The following SPA17 variants were observed in gnomAD, a reference collection of about 807,000 sequenced individuals.
SPA17 encodes sperm surface protein Sp17.
Under a neutral mutation model 13.8 loss-of-function variants are expected in SPA17, and 7 were observed. That is an observed-to-expected ratio of 0.51 (90% CI 0.29 to 0.95). SPA17 has a LOEUF of 0.95. Ranked by LOEUF, SPA17 falls within the 40% of genes least tolerant of loss-of-function variation. The probability of loss-of-function intolerance (pLI) is 0.08; values close to 1 mark genes in which losing one functional copy is unlikely to be tolerated. For synonymous variants in SPA17, 61 were observed against 59.0 expected (o/e 1.03, Z -0.16); for missense variants, 170 against 179.3 (o/e 0.95, Z 0.30).
rs1221747453 is a variant in SPA17 at position 124,694,748 on chromosome 11, T to C, written c.*302T>C. ...CAGAGATCTCAGAGGTTATGTGTTC[T>C]AACTATTATCAAATGAATAAATCCT... On this transcript the variant is annotated 3_prime_UTR_variant, in exon 5 of 5. Transcript: ENST00000227135. 4.8e-6 allele frequency: 1 copy of C among 207,332 alleles called. No homozygotes were observed. The highest frequency in any genetic ancestry group is 9.5e-6 in the Non-Finnish European group (1 of 104,930). The allele number at this position is 207,332 out of a possible 1,614,324, so 12.8% of individuals were successfully genotyped here. A position where few individuals can be genotyped will look rare whatever the true frequency, so the allele number is the denominator to read the frequency against.
intron 3 of SPA17, among the ~76,000 whole-genome samples, chr11:124,687,285 A>G (rs1043810804): frequency 1.3e-5 from 2 of 152,064 alleles, no homozygotes; most frequent in African/African-American, 4.8e-5. Flanking sequence ...GATTGATTCC[A>G]TAATAAAAAT....
At chr11:124,677,270 C>T (rs1354329699) in intron 2 of SPA17, among the ~76,000 whole-genome samples, 1 of 152,126 alleles carries the variant, frequency 6.6e-6, no homozygotes, top group African/African-American at 2.4e-5. Flanking sequence ...TCATTATGGA[C>T]CTCTGGCTCA....
At chr11:124,674,517 T>A (rs1943432287) in intron 1 of SPA17, 2 of 152,286 alleles carry the variant, frequency 1.3e-5, no homozygotes, top group South Asian at 4.1e-4. Flanking sequence ...CTTTTCATAC[T>A]CAGTAGTAGC....
At chr11:124,681,510 A>AG in intron 3 of SPA17, 51 bp downstream of exon 3, 1 of 1,399,408 alleles carries the variant, frequency 7.1e-7, no homozygotes, top group Non-Finnish European at 9.5e-7. Context: ...CTCTGTCTAC[A>AG]GCTAGCAATT....
chr11:124,692,897 G>A (rs1430862327), intron 4 of SPA17, among the ~76,000 whole-genome samples: 1 of 152,172 alleles, frequency 6.6e-6, no homozygotes, highest in Non-Finnish European at 1.5e-5. Flanking sequence ...AGAACTGGCA[G>A]CCAGAATGGA....
At chr11:124,677,627 G>C (rs369073587) in intron 2 of SPA17, among the ~76,000 whole-genome samples, 1 of 152,250 alleles carries the variant, frequency 6.6e-6, no homozygotes, top group East Asian at 1.9e-4. Flanking sequence ...GAAGCAATTA[G>C]AGAAAAGATT....
intron 3 of SPA17, among the ~76,000 whole-genome samples, chr11:124,689,659 C>T (rs1185180526): frequency 6.6e-6 from 1 of 151,772 alleles, no homozygotes; most frequent in Non-Finnish European, 1.5e-5. Context: ...CACCTGTAGT[C>T]CCCAGCTACT....
chr11:124,678,885 G>A (rs944023974), intron 2 of SPA17, among the ~76,000 whole-genome samples: 3 of 152,084 alleles, frequency 2.0e-5, no homozygotes, highest in African/African-American at 7.2e-5. Context: ...ATTTTTAAAT[G>A]GAAAAGTAAA....
Position 124,675,236 on chromosome 11 carries a change from A to G in SPA17, c.-27-2A>G. 1.3e-6 allele frequency: 2 copies of G among 1,599,608 alleles called. No homozygotes were observed. The highest frequency in any genetic ancestry group is 1.1e-5 in the South Asian group (1 of 88,062). On this transcript the variant is annotated splice_acceptor_variant, in intron 1 of 4. Coordinates refer to ENST00000227135, the MANE Select transcript of SPA17 (RefSeq NM_017425.4). LOFTEE classifies it low-confidence loss of function (5UTR_SPLICE). ...AGACAGTACTCTTTAATGAATCTTT[A>G]GGTTCCATAGGCAGTTCTTACCAAG...
At position 124,694,822 on chromosome 11, in the gene SPA17, G is replaced by A; in HGVS notation, c.*376G>A. On this transcript the variant is annotated 3_prime_UTR_variant, in exon 5 of 5. Transcript: ENST00000227135. Reference sequence around the variant, plus strand: ...TTCTTTAGCTCCTGTTTCACTCCTAGTGGTAAAGAATTTCACTGCTTTTTA... The same window carrying A: ...TTCTTTAGCTCCTGTTTCACTCCTAATGGTAAAGAATTTCACTGCTTTTTA... 6.4e-6 allele frequency: 1 copy of A among 155,362 alleles called. No homozygotes were observed. The highest frequency in any genetic ancestry group is 1.4e-5 in the Non-Finnish European group (1 of 70,148). 9.6% of individuals were successfully genotyped at this position (155,362 alleles called of 1,614,324 possible). A position where few individuals can be genotyped will look rare whatever the true frequency, so the allele number is the denominator to read the frequency against.
chr11:124,692,191 A>C (rs1943628591), intron 4 of SPA17, among the ~76,000 whole-genome samples: 1 of 152,196 alleles, frequency 6.6e-6, no homozygotes, highest in South Asian at 2.1e-4. Flanking sequence ...CATACAGCCA[A>C]AATAATGGCT....
chr11:124,678,240 ATCTC>A (rs751415891), intron 2 of SPA17, among the ~76,000 whole-genome samples: 1 of 151,978 alleles, frequency 6.6e-6, no homozygotes, highest in East Asian at 2.0e-4. Flanking sequence ...AATGAGAACT[ATCTC>A]TCGATAATAC....
chr11:124,694,486 C>A lies in SPA17; in HGVS notation c.*40C>A. The A allele has an allele frequency of 6.4e-7, 1 of 1,565,056 alleles. No individual in the cohort carries two copies. The highest frequency in any genetic ancestry group is 1.7e-4 in the Middle Eastern group (1 of 5,858). On this transcript the variant is annotated 3_prime_UTR_variant, in exon 5 of 5. Coordinates refer to ENST00000227135, the MANE Select transcript of SPA17 (RefSeq NM_017425.4). Reference sequence around the variant, plus strand: ...CCTCCAGGAAACATGAAAAATAATCCAAATCCATCAACCTTCTTATTAATG... The same window carrying A: ...CCTCCAGGAAACATGAAAAATAATCAAAATCCATCAACCTTCTTATTAATG...
chr11:124,682,901 CA>C (rs112659312), intron 3 of SPA17, among the ~76,000 whole-genome samples: 6,609 of 91,984 alleles, frequency 0.072, 436 homozygotes, highest in African/African-American at 0.21. Flanking sequence ...AAATACAATG[CA>C]AAAAAAAAAA....
At chr11:124,685,933 G>A (rs1943574062) in intron 3 of SPA17, among the ~76,000 whole-genome samples, 1 of 152,102 alleles carries the variant, frequency 6.6e-6, no homozygotes, top group African/African-American at 2.4e-5. Context: ...AGGCTCATAG[G>A]CATAAGGAAC....
intron 2 of SPA17, among the ~76,000 whole-genome samples, chr11:124,677,983 A>T (rs1265858297): frequency 6.6e-6 from 1 of 152,266 alleles, no homozygotes; most frequent in Non-Finnish European, 1.5e-5. Context: ...CATGCTCTGT[A>T]GGCTGTGGGA....
At position 124,694,630 on chromosome 11, in the gene SPA17, T is replaced by A; in HGVS notation, c.*184T>A. 1 of 706,692 alleles carries A rather than the reference T, an allele frequency of 1.4e-6. No individual in the cohort carries two copies. The highest frequency in any genetic ancestry group is 1.8e-5 in the African/African-American group (1 of 55,384). The allele number at this position is 706,692 out of a possible 1,614,324, so 43.8% of individuals were successfully genotyped here. Reference sequence around the variant, plus strand: ...CCATTGAAACATGCCACTTGAAGATTTCTCTGAGATCATGAGTTTGTTTAC... The same window carrying A: ...CCATTGAAACATGCCACTTGAAGATATCTCTGAGATCATGAGTTTGTTTAC... On this transcript the variant is annotated 3_prime_UTR_variant, in exon 5 of 5. Transcript: ENST00000227135.
chr11:124,682,833 C>T (rs1175639323), intron 3 of SPA17, among the ~76,000 whole-genome samples: 3 of 151,090 alleles, frequency 2.0e-5, no homozygotes, highest in Admixed American at 6.6e-5. Context: ...TAGATGAAGA[C>T]ATCACAAGTC....
chr11:124,677,203 A>C (rs962929877), intron 2 of SPA17, among the ~76,000 whole-genome samples: 1 of 152,224 alleles, frequency 6.6e-6, no homozygotes, highest in African/African-American at 2.4e-5. Context: ...CCAAAGACAA[A>C]TTATCTAGAA....
Sources: allele counts gnomAD v4.1 joint callset (sites outside exome capture counted in the v4.1 genomes callset), GRCh38; gene constraint gnomAD v4.1.1; transcripts MANE v1.5; gene names NCBI Gene and HGNC (gene_info 2026-07-23, HGNC 2026-07-21).